SNRPN: variants seen among roughly 807,000 people sequenced by gnomAD.
SNRPN encodes the protein small nuclear ribonucleoprotein polypeptide N, also known as small nuclear ribonucleoprotein-associated protein N.
Under a neutral mutation model 25.2 loss-of-function variants are expected in SNRPN, and 7 were observed. That is an observed-to-expected ratio of 0.28 (90% CI 0.16 to 0.52). The LOEUF (loss-of-function observed/expected upper bound fraction) is 0.52. Among genes scored for constraint, SNRPN ranks in the 20% least tolerant of loss-of-function variants. The probability of loss-of-function intolerance (pLI) is 0.96; values close to 1 mark genes in which losing one functional copy is unlikely to be tolerated. For synonymous variants in SNRPN, 124 were observed against 110.6 expected, an observed-to-expected ratio of 1.12 and a Z score of -0.76; for missense variants, 196 against 322.5, an observed-to-expected ratio of 0.61 and a Z score of 3.00.
At chr15:24,969,621 T>C (rs2076148985) in intron 3 of SNRPN, among the ~76,000 whole-genome samples, 1 of 152,222 alleles carries the variant, frequency 6.6e-6, no homozygotes, top group African/African-American at 2.4e-5. Flanking sequence ...TTTAGGAATT[T>C]TTTAGCTTCT....
At chr15:24,932,040 G>A (rs1340198615) in intron 3 of SNRPN, among the ~76,000 whole-genome samples, 2 of 151,858 alleles carry the variant, frequency 1.3e-5, no homozygotes, top group African/African-American at 4.8e-5. Flanking sequence ...TATGACCCTC[G>A]CACAGAGGCC....
chr15:24,863,680 T>C (rs1247571954), intron 1 of SNRPN, among the ~76,000 whole-genome samples: 4 of 150,858 alleles, frequency 2.7e-5, no homozygotes, highest in Non-Finnish European at 5.9e-5. Context: ...CCCTGCTTTG[T>C]ATATGTTTGC....
intron 1 of SNRPN, 26 bp downstream of exon 1, chr15:24,955,088 A>T: frequency 6.2e-7 from 1 of 1,613,594 alleles, no homozygotes; most frequent in Non-Finnish European, 8.5e-7. Flanking sequence ...GGCTTCTCTC[A>T]AGAGACAGCC....
chr15:24,921,788 T>A (rs980494118), intron 3 of SNRPN, among the ~76,000 whole-genome samples: 5 of 152,178 alleles, frequency 3.3e-5, no homozygotes, highest in African/African-American at 1.2e-4. Flanking sequence ...TTGTTGCGAA[T>A]TAAATACAGC....
At chr15:24,941,992 C>T (rs916266855) in intron 3 of SNRPN, among the ~76,000 whole-genome samples, 3 of 152,096 alleles carry the variant, frequency 2.0e-5, no homozygotes, top group African/African-American at 7.2e-5. Flanking sequence ...CTTGGCCAGG[C>T]TGGTCTTGAA....
intron 4 of SNRPN, chr15:24,974,847 A>T: frequency 2.9e-6 from 2 of 693,162 alleles, no homozygotes; most frequent in Non-Finnish European, 5.3e-6. Context: ...GCATGAGATG[A>T]GCCACTGTGC....
intron 2 of SNRPN, among the ~76,000 whole-genome samples, chr15:24,915,324 C>G (rs2059445326): frequency 6.6e-6 from 1 of 152,042 alleles, no homozygotes; most frequent in Non-Finnish European, 1.5e-5. Flanking sequence ...GATAGGGTTT[C>G]ACCATGTTGG....
chr15:24,876,141 G>A (rs898810055), intron 1 of SNRPN, among the ~76,000 whole-genome samples: 5 of 152,042 alleles, frequency 3.3e-5, no homozygotes, highest in African/African-American at 1.2e-4. Flanking sequence ...ACTTATGCAG[G>A]TTCAAATCTT....
rs1356740591 is a variant in SNRPN, at chr15:24,959,889, C to T, written c.-390-2225C>T. The stretch of plus-strand genomic sequence containing the variant: ...GTTTCACAAGGTTTTACTTAGCCCT[C>T]GTATATGCCAGGTTCTTGAAATTTT... On this transcript the variant is annotated intron_variant, in intron 1 of 9. Coordinates refer to ENST00000390687, the MANE Select transcript of SNRPN (RefSeq NM_003097.6). Among the ~76,000 whole-genome samples the T allele has an allele frequency of 2.6e-5, 4 of 152,138 alleles. No homozygotes were observed. In the South Asian group the frequency reaches 6.2e-4, roughly 24 times the overall value.
chr15:24,913,973 A>G (rs1213727985), intron 2 of SNRPN, among the ~76,000 whole-genome samples: 1 of 152,160 alleles, frequency 6.6e-6, no homozygotes, highest in African/African-American at 2.4e-5. Flanking sequence ...TAAATTGCAG[A>G]TAAATTCAGT....
intron 2 of SNRPN, among the ~76,000 whole-genome samples, chr15:24,838,103 C>T (rs186733837): frequency 2.3e-3 from 339 of 150,078 alleles, no homozygotes; most frequent in Non-Finnish European, 3.6e-3. Context: ...GGTCCAATCT[C>T]GGCTCGCTGC....
chr15:24,836,302 T>C (rs753049349), intron 2 of SNRPN, among the ~76,000 whole-genome samples: 29 of 152,182 alleles, frequency 1.9e-4, no homozygotes, highest in Non-Finnish European at 3.5e-4. Flanking sequence ...TCTGAGACAC[T>C]GGGGGTGAGG....
chr15:24,869,603 G>C (rs1166646268), intron 1 of SNRPN, among the ~76,000 whole-genome samples: 2 of 152,068 alleles, frequency 1.3e-5, no homozygotes, highest in South Asian at 2.1e-4. Flanking sequence ...GATTATACTG[G>C]AGTTGGGTTT....
chr15:24,927,475 A>ATTTTTTTT lies in SNRPN; in HGVS notation c.-391+7351_-391+7352insTTTTTTTT, dbSNP rs1566921436. ...TTTCCCACTGCTTATAAAGTTTTTA[A>ATTTTTTTT]ATTTTTTTTTTTTTTTTTTTTTTTT... On this transcript the variant is annotated intron_variant, in intron 3 of 11. Transcript: ENST00000400097. Among the ~76,000 whole-genome samples, 624 of 113,248 alleles carry ATTTTTTTT rather than the reference A, an allele frequency of 5.5e-3. 119 individuals are homozygous for ATTTTTTTT. Among genetic ancestry groups the ATTTTTTTT allele is most frequent in the African/African-American group, 7.4e-3 (220 of 29,572 alleles). 74.3% of individuals were successfully genotyped at this position (113,248 alleles called of 152,430 possible).
intron 2 of SNRPN, among the ~76,000 whole-genome samples, chr15:24,902,649 G>A (rs1040581322): frequency 6.6e-6 from 1 of 152,068 alleles, no homozygotes; most frequent in Admixed American, 6.6e-5. Context: ...TGGTGGGTTC[G>A]TGGTCTTGCT....
chr15:24,852,210 C>G (rs778319047), upstream of SNRPN: 5 of 152,106 alleles, frequency 3.3e-5, no homozygotes, highest in Non-Finnish European at 7.3e-5. Flanking sequence ...TTGGATACTC[C>G]AGTGTTCAGC....
chr15:24,974,641 G>C, intron 4 of SNRPN, 185 bp downstream of exon 4: 1 of 669,152 alleles, frequency 1.5e-6, no homozygotes, highest in South Asian at 1.8e-5. Context: ...ATTTTTTTCA[G>C]ACGGGGTCTT....
chr15:24,886,407 C>T (rs973996899), intron 1 of SNRPN: 4 of 152,244 alleles, frequency 2.6e-5, no homozygotes, highest in Non-Finnish European at 5.9e-5. Context: ...CTCTCCCACA[C>T]TGCAAGGCCC....
At chr15:24,965,024 C>T (rs1027864825) in intron 2 of SNRPN, among the ~76,000 whole-genome samples, 12 of 152,176 alleles carry the variant, frequency 7.9e-5, no homozygotes, top group African/African-American at 2.9e-4. Context: ...CCCCCTTGTG[C>T]GTTTTCATTT....
Sources: gnomAD v4.1 joint callset for allele counts (sites outside exome capture counted in the v4.1 genomes callset) on GRCh38, gnomAD v4.1.1 for gene constraint, MANE v1.5 for transcripts, NCBI Gene and HGNC (gene_info 2026-07-23, HGNC 2026-07-21) for gene names.